The following MIDEAS variants were observed in gnomAD, a reference collection of about 807,000 sequenced individuals.
The protein encoded by MIDEAS is mitotic deacetylase associated SANT domain protein.
A neutral mutation model predicts 102.7 loss-of-function variants in MIDEAS; 26 were observed. The observed-to-expected ratio is 0.25, with a 90% confidence interval of 0.19 to 0.35. MIDEAS has a LOEUF of 0.35. Ranked by LOEUF, MIDEAS falls within the 10% of genes least tolerant of loss-of-function variation. The pLI, the probability that MIDEAS is intolerant of heterozygous loss-of-function variation, is 1.00. For synonymous variants in MIDEAS, 585 were observed against 591.0 expected, an observed-to-expected ratio of 0.99 and a Z score of 0.15; for missense variants, 1,231 against 1,435.6, an observed-to-expected ratio of 0.86 and a Z score of 2.30.
chr14:73,748,609 T>C (rs749432083), intron 1 of MIDEAS, among the ~76,000 whole-genome samples: 6 of 151,454 alleles, frequency 4.0e-5, no homozygotes, highest in Non-Finnish European at 8.8e-5. Context: ...AGAATGGCTA[T>C]ACTAATATCA....
At chr14:73,733,108 T>TA (rs1282104092) in intron 3 of MIDEAS, among the ~76,000 whole-genome samples, 2 of 149,826 alleles carry the variant, frequency 1.3e-5, no homozygotes, top group Admixed American at 1.3e-4. Context: ...AAAAAGAAAA[T>TA]AAAAAACAAA....
In MIDEAS at chr14:73,739,796, G is replaced by A. The variant is rs1393845082; in HGVS notation, c.213C>T (p.Ala71=). The A allele has an allele frequency of 1.9e-6, 3 of 1,613,394 alleles. No individual in the cohort carries two copies. The highest frequency in any genetic ancestry group is 1.7e-5 in the Admixed American group (1 of 59,972). ...PVELPPPSSL[A]LLNSVVYGPE... is the part of the protein sequence containing the mutation. ...GCCCATATACCACAGAGTTCAGCAG[G>A]GCCAGGCTGCTAGGAGGGGGCAGTT... Residue 71 remains alanine (A), a synonymous_variant, in exon 2 of 13, where the codon GCC becomes GCT. Transcript: ENST00000423556.
At chr14:73,748,590 A>C (rs1453433554) in intron 1 of MIDEAS, among the ~76,000 whole-genome samples, 1 of 152,010 alleles carries the variant, frequency 6.6e-6, no homozygotes, top group Non-Finnish European at 1.5e-5. Context: ...CAGTCACCAA[A>C]AGACAGCTAG....
chr14:73,786,834 C>T (rs370367673), intron 1 of MIDEAS, among the ~76,000 whole-genome samples: 1 of 152,126 alleles, frequency 6.6e-6, no homozygotes, highest in East Asian at 1.9e-4. Flanking sequence ...TTCCCCCCAC[C>T]CTACCTCAGG....
chr14:73,785,373 G>T (rs147089120), intron 1 of MIDEAS, among the ~76,000 whole-genome samples: 1 of 152,286 alleles, frequency 6.6e-6, no homozygotes, highest in Admixed American at 6.5e-5. Flanking sequence ...GCTCTGGTCT[G>T]TGCCACAGTC....
intron 3 of MIDEAS, among the ~76,000 whole-genome samples, chr14:73,735,657 C>T (rs1356730503): frequency 3.3e-5 from 5 of 152,054 alleles, no homozygotes; most frequent in African/African-American, 1.2e-4. Context: ...GAAGATGCAC[C>T]CTGCAGATTC....
chr14:73,778,476 C>T (rs1318010626), intron 1 of MIDEAS, among the ~76,000 whole-genome samples: 1 of 151,916 alleles, frequency 6.6e-6, no homozygotes, highest in Non-Finnish European at 1.5e-5. Context: ...AGCACAGCCT[C>T]CTTGGAGAGA....
chr14:73,760,613 G>A (rs2053546122), upstream of MIDEAS, among the ~76,000 whole-genome samples: 1 of 152,228 alleles, frequency 6.6e-6, no homozygotes, highest in Non-Finnish European at 1.5e-5. This position sits in a 1 kb window ranked among gnomAD's most constrained non-coding sequence, Gnocchi z 4.8. Flanking sequence ...GAAGGCACAA[G>A]TCGCTTTCTT....
At chr14:73,736,356 G>A (rs1213711786) in intron 3 of MIDEAS, among the ~76,000 whole-genome samples, 1 of 152,096 alleles carries the variant, frequency 6.6e-6, no homozygotes. Flanking sequence ...TGTCGGCCAG[G>A]CGCGGTGGCT....
intron 1 of MIDEAS, among the ~76,000 whole-genome samples, chr14:73,786,273 C>T (rs1467169734): frequency 6.6e-6 from 1 of 152,206 alleles, no homozygotes. Context: ...CCCTGCGCCA[C>T]GAGGCTACCG....
chr14:73,749,484 C>T (rs112915171), intron 1 of MIDEAS, among the ~76,000 whole-genome samples: 276 of 151,078 alleles, frequency 1.8e-3, no homozygotes, highest in African/African-American at 5.5e-3. Flanking sequence ...TGCAGTAAGC[C>T]GTGTTCATGC....
At chr14:73,736,496 T>G (rs574183352) in intron 3 of MIDEAS, among the ~76,000 whole-genome samples, 1 of 151,548 alleles carries the variant, frequency 6.6e-6, no homozygotes, top group South Asian at 2.1e-4. Context: ...CTGGGCGCGG[T>G]GGTGGGCGCC....
intron 1 of MIDEAS, among the ~76,000 whole-genome samples, chr14:73,778,362 C>CA (rs1389802174): frequency 0.02 from 2,083 of 105,768 alleles, 32 homozygotes; most frequent in African/African-American, 0.056. Context: ...GACTCTGTCT[C>CA]AAAAAAAAAA....
In MIDEAS at chr14:73,737,303, C is replaced by T. The variant is rs759854367; in HGVS notation, c.1450-6G>A. 2 of 1,605,702 alleles carry T rather than the reference C, an allele frequency of 1.2e-6. No individual in the cohort carries two copies. Among genetic ancestry groups the T allele is most frequent in the Admixed American group, 1.7e-5 (1 of 59,754 alleles). The stretch of plus-strand genomic sequence containing the variant: ...TCTTCAGAACCACTGCCATCCTGGA[C>T]AAGATGGGAACAGAAGTGCAATTTA... On this transcript the variant is annotated splice_region_variant and splice_polypyrimidine_tract_variant and intron_variant, in intron 2 of 12. Coordinates refer to ENST00000423556, the MANE Select transcript of MIDEAS (RefSeq NM_001367710.1).
chr14:73,751,294 C>G (rs1003577628), intron 1 of MIDEAS, among the ~76,000 whole-genome samples: 2 of 152,220 alleles, frequency 1.3e-5, no homozygotes, highest in African/African-American at 2.4e-5. Flanking sequence ...ACTTCCTCCC[C>G]CAAGAGTTTC....
chr14:73,757,293 A>AAAAAAAAAAAAAAAAC (rs1566602278), intron 1 of MIDEAS, among the ~76,000 whole-genome samples: 3 of 150,480 alleles, frequency 2.0e-5, no homozygotes, highest in African/African-American at 4.9e-5. Context: ...AAAAAAAAAA[A>AAAAAAAAAAAAAAAAC]ACACTAAACA....
intron 1 of MIDEAS, among the ~76,000 whole-genome samples, chr14:73,753,727 AAC>A (rs2053449589): frequency 6.6e-6 from 1 of 152,164 alleles, no homozygotes; most frequent in African/African-American, 2.4e-5. Flanking sequence ...AAGTCCTAGC[AAC>A]AGTGTGGGGC....
At chr14:73,723,170 A>AGTCTC (rs1334797470) in intron 9 of MIDEAS, 1 of 182,072 alleles carries the variant, frequency 5.5e-6, no homozygotes, top group Non-Finnish European at 1.2e-5. Flanking sequence ...TTGGAGACAG[A>AGTCTC]GTCTCGCTCT....
chr14:73,737,566 C>T (rs754604611), intron 2 of MIDEAS, among the ~76,000 whole-genome samples: 1 of 151,844 alleles, frequency 6.6e-6, no homozygotes, highest in African/African-American at 2.4e-5. Context: ...GTTAAGGCTG[C>T]GGTGAGCCGA....
Sources: allele counts gnomAD v4.1 joint callset (sites outside exome capture counted in the v4.1 genomes callset), GRCh38; gene constraint gnomAD v4.1.1; non-coding constraint Gnocchi (gnomAD v3.1); transcripts MANE v1.5; gene names NCBI Gene and HGNC (gene_info 2026-07-23, HGNC 2026-07-21).